Variants in FHIT observed in about 807,000 individuals in gnomAD.
FHIT encodes fragile histidine triad diadenosine triphosphatase, also known as bis(5'-adenosyl)-triphosphatase.
In FHIT, 19 loss-of-function variants were observed where a neutral mutation model predicts 17.9. The ratio of observed to expected loss-of-function variants is 1.06; its 90% CI spans 0.74 to 1.56. The LOEUF (loss-of-function observed/expected upper bound fraction) is 1.56, where lower values mean the gene tolerates loss of function less well. FHIT is among the 40% of genes most tolerant of loss of function. The probability of loss-of-function intolerance (pLI) is 0.00; values close to 1 mark genes in which losing one functional copy is unlikely to be tolerated. For missense variants in FHIT, 248 were observed against 189.2 expected, an observed-to-expected ratio of 1.31 and a Z score of -1.82; for synonymous variants, 81 against 69.7, an observed-to-expected ratio of 1.16 and a Z score of -0.81.
At chr3:60,914,682 C>T (rs964094357) in intron 3 of FHIT, among the ~76,000 whole-genome samples, 1 of 152,176 alleles carries the variant, frequency 6.6e-6, no homozygotes, top group African/African-American at 2.4e-5. Context: ...TAACGTCCAC[C>T]TTTACTTCTC....
At chr3:61,105,613 T>A (rs1001983694) in intron 2 of FHIT, among the ~76,000 whole-genome samples, 1 of 151,942 alleles carries the variant, frequency 6.6e-6, no homozygotes, top group African/African-American at 2.4e-5. Context: ...AGCAAAAAAG[T>A]CTGGGATCAA....
chr3:61,128,201 A>C (rs1297273514), intron 2 of FHIT, among the ~76,000 whole-genome samples: 1 of 152,220 alleles, frequency 6.6e-6, no homozygotes, highest in Non-Finnish European at 1.5e-5. Context: ...AGCTGAAAAC[A>C]TAAAGACCAC....
At chr3:59,762,294 CTG>C (rs1282346595) in intron 8 of FHIT, among the ~76,000 whole-genome samples, 1 of 152,138 alleles carries the variant, frequency 6.6e-6, no homozygotes, top group Admixed American at 6.5e-5. Context: ...CTATGGTAAA[CTG>C]TGAAAAGTGA....
chr3:60,371,854 T>C (rs1431709460), intron 5 of FHIT, among the ~76,000 whole-genome samples: 1 of 151,308 alleles, frequency 6.6e-6, no homozygotes, highest in Non-Finnish European at 1.5e-5. Context: ...TTTTTTTTTT[T>C]TTTTAGCTCA....
intron 7 of FHIT, among the ~76,000 whole-genome samples, chr3:59,978,217 C>A (rs1431165424): frequency 1.3e-5 from 2 of 152,078 alleles, no homozygotes; most frequent in Non-Finnish European, 2.9e-5. Context: ...AATTTGGACT[C>A]AAATTCCAAA....
At chr3:60,842,623 ATGAGTGTATATATATATATATAT>A (rs1473979043) in intron 3 of FHIT, among the ~76,000 whole-genome samples, 8 of 104,298 alleles carry the variant, frequency 7.7e-5, no homozygotes, top group African/African-American at 2.6e-4. Context: ...ACATATATAT[ATGAGTGTATATATATATATATAT>A]TTTTTTTTTT....
chr3:59,791,038 C>T (rs1479441095), intron 8 of FHIT, among the ~76,000 whole-genome samples: 2 of 152,140 alleles, frequency 1.3e-5, no homozygotes, highest in South Asian at 4.1e-4. Flanking sequence ...CTGACTTTGC[C>T]TGGGCTCCAT....
At chr3:60,519,680 C>T (rs71313779) in intron 5 of FHIT, among the ~76,000 whole-genome samples, 16,213 of 152,184 alleles carry the variant, frequency 0.11, 1,057 homozygotes, top group South Asian at 0.23. Flanking sequence ...CATCTATTTA[C>T]AAGATGAATC....
intron 5 of FHIT, among the ~76,000 whole-genome samples, chr3:60,135,233 A>T (rs1699766356): frequency 6.6e-6 from 1 of 152,110 alleles, no homozygotes; most frequent in Non-Finnish European, 1.5e-5. Flanking sequence ...AAACAAATCA[A>T]TTCGGCACCC....
At chr3:60,354,156 A>G (rs1433207603) in intron 5 of FHIT, among the ~76,000 whole-genome samples, 1 of 152,184 alleles carries the variant, frequency 6.6e-6, no homozygotes, top group Non-Finnish European at 1.5e-5. Context: ...CTTGTAACAT[A>G]TTAAATGAAA....
intron 5 of FHIT, among the ~76,000 whole-genome samples, chr3:60,253,809 C>T (rs1705845779): frequency 6.6e-6 from 1 of 152,200 alleles, no homozygotes; most frequent in Non-Finnish European, 1.5e-5. Flanking sequence ...AACACCAGGA[C>T]AAAACGTGGT....
At chr3:60,170,870 G>T (rs1181948545) in intron 5 of FHIT, among the ~76,000 whole-genome samples, 1 of 152,004 alleles carries the variant, frequency 6.6e-6, no homozygotes, top group Admixed American at 6.6e-5. Context: ...CAAACAGGAA[G>T]ACCAGTGTCA....
intron 5 of FHIT, among the ~76,000 whole-genome samples, chr3:60,378,595 G>A (rs1027327471): frequency 2.0e-5 from 3 of 152,142 alleles, no homozygotes; most frequent in South Asian, 4.1e-4. Flanking sequence ...TTTAAGGAAA[G>A]GAAGTATCTT....
At chr3:60,480,501 C>A (rs2033559279) in intron 5 of FHIT, among the ~76,000 whole-genome samples, 1 of 152,194 alleles carries the variant, frequency 6.6e-6, no homozygotes, top group African/African-American at 2.4e-5. Context: ...AAGTCCCTTC[C>A]ACTTAGGAAC....
At chr3:60,143,191 G>A (rs1358035035) in intron 5 of FHIT, among the ~76,000 whole-genome samples, 2 of 152,174 alleles carry the variant, frequency 1.3e-5, no homozygotes, top group Non-Finnish European at 2.9e-5. Flanking sequence ...GCACATCATA[G>A]CCACGGTAGA....
At chr3:59,994,768 T>C (rs1315063298) in intron 7 of FHIT, among the ~76,000 whole-genome samples, 1 of 152,056 alleles carries the variant, frequency 6.6e-6, no homozygotes, top group Non-Finnish European at 1.5e-5. Flanking sequence ...TGATAAGACA[T>C]GGCATTTCAG....
At chr3:59,757,926 T>C (rs144340201) in intron 8 of FHIT, among the ~76,000 whole-genome samples, 265 of 152,284 alleles carry the variant, frequency 1.7e-3, no homozygotes, top group African/African-American at 5.8e-3. Context: ...CAGGCTCTGT[T>C]CTAGGTCTTA....
At chr3:60,988,946 TAAAA>T (rs535898632) in intron 3 of FHIT, among the ~76,000 whole-genome samples, 443 of 34,256 alleles carry the variant, frequency 0.013, 1 homozygote, top group African/African-American at 0.054. Flanking sequence ...ATGGCTTTGT[TAAAA>T]AAAAAAAAAA....
chr3:60,413,414 T>C (rs915047613), intron 5 of FHIT, among the ~76,000 whole-genome samples: 1 of 152,108 alleles, frequency 6.6e-6, no homozygotes, highest in Non-Finnish European at 1.5e-5. Flanking sequence ...ATTTTAACAA[T>C]GAAAGTAGCT....
Sources: gnomAD v4.1 joint callset for allele counts (sites outside exome capture counted in the v4.1 genomes callset) on GRCh38, gnomAD v4.1.1 for gene constraint, MANE v1.5 for transcripts, NCBI Gene and HGNC (gene_info 2026-07-23, HGNC 2026-07-21) for gene names.